The following SBNO1 variants were observed in gnomAD, a reference collection of about 807,000 sequenced individuals.
The protein encoded by SBNO1 is protein strawberry notch homolog 1.
A neutral mutation model predicts 173.6 loss-of-function variants in SBNO1; 23 were observed. The observed-to-expected ratio is 0.13, with a 90% CI of 0.10 to 0.19. The LOEUF is 0.19. SBNO1 is among the 10% of genes least tolerant of loss of function. The pLI is 1.00. For synonymous variants in SBNO1, 632 were observed against 571.5 expected (o/e 1.11, Z -1.51); for missense variants, 1,238 against 1,671.2 (o/e 0.74, Z 4.52).
chr12:123,297,912 G>A, intron 31 of SBNO1, 66 bp downstream of exon 31: 3 of 1,416,254 alleles, frequency 2.1e-6, no homozygotes, highest in African/African-American at 2.8e-5. Flanking sequence ...TAAGATATTA[G>A]CAATGAGAAA....
chr12:123,299,222 G>T (rs2048700404), intron 30 of SBNO1, among the ~76,000 whole-genome samples: 1 of 152,030 alleles, frequency 6.6e-6, no homozygotes, highest in South Asian at 2.1e-4. Flanking sequence ...CAAAAAATTA[G>T]CCAGGAGTGG....
intron 1 of SBNO1, among the ~76,000 whole-genome samples, chr12:123,352,467 T>C (rs1390114492): frequency 6.6e-6 from 1 of 151,956 alleles, no homozygotes; most frequent in Non-Finnish European, 1.5e-5. Flanking sequence ...TTAATTTTTG[T>C]ATTTAGTAGA....
intron 29 of SBNO1, among the ~76,000 whole-genome samples, chr12:123,303,548 C>G (rs2048844330): frequency 6.6e-6 from 1 of 152,164 alleles, no homozygotes; most frequent in Non-Finnish European, 1.5e-5. Flanking sequence ...ACTTGGGAAG[C>G]TGAGGCATGA....
rs1869777284 is a variant in SBNO1, at chr12:123,320,119, A to G, written c.2668-88T>C. On this transcript the variant is annotated intron_variant, in intron 19 of 31. Transcript: ENST00000602398. The stretch of plus-strand genomic sequence containing the variant: ...CTCTTTCCTTGAAGACACTTGGGAG[A>G]TAAGAGCACAGGCTGTGCTGCACCA... 4.9e-6 allele frequency: 7 copies of G among 1,429,186 alleles called. No homozygotes were observed. The South Asian group carries it at 6.1e-5, about 12-fold the overall frequency. 88.5% of individuals were successfully genotyped at this position (1,429,186 alleles called of 1,614,324 possible).
At chr12:123,321,790 T>A in intron 16 of SBNO1, 58 bp from the exon 17 acceptor site, 1 of 1,317,442 alleles carries the variant, frequency 7.6e-7, no homozygotes, top group Non-Finnish European at 1.1e-6. Context: ...TAAGATCCAG[T>A]ACATCACATT....
intron 1 of SBNO1, among the ~76,000 whole-genome samples, chr12:123,350,733 A>G (rs1211714570): frequency 6.6e-6 from 1 of 152,264 alleles, no homozygotes; most frequent in African/African-American, 2.4e-5. Flanking sequence ...GAGATGTTAT[A>G]AAGATGACAA....
chr12:123,299,693 A>AAAC (rs2048721682), intron 30 of SBNO1, among the ~76,000 whole-genome samples: 2 of 150,970 alleles, frequency 1.3e-5, no homozygotes, highest in South Asian at 2.1e-4. Context: ...AAAAAAAAAA[A>AAAC]AAAAAACAAA....
chr12:123,311,355 T>C (rs775631213), intron 24 of SBNO1, among the ~76,000 whole-genome samples: 1 of 152,166 alleles, frequency 6.6e-6, no homozygotes, highest in African/African-American at 2.4e-5. Flanking sequence ...GTATTAACTC[T>C]CTTCATTATA....
intron 30 of SBNO1, among the ~76,000 whole-genome samples, chr12:123,299,755 A>C (rs2048725900): frequency 6.6e-6 from 1 of 151,102 alleles, no homozygotes; most frequent in African/African-American, 2.4e-5. Flanking sequence ...CAGGTGGTTG[A>C]GGCACGAGAA....
At chr12:123,336,018 A>T (rs1871796859) in intron 6 of SBNO1, among the ~76,000 whole-genome samples, 1 of 152,200 alleles carries the variant, frequency 6.6e-6, no homozygotes, top group Admixed American at 6.5e-5. Context: ...TGAAAATTTT[A>T]TGCAAATATT....
At chr12:123,301,213 G>A (rs1003398941) in intron 30 of SBNO1, among the ~76,000 whole-genome samples, 1 of 151,974 alleles carries the variant, frequency 6.6e-6, no homozygotes, top group Non-Finnish European at 1.5e-5. Flanking sequence ...TCACCATGTT[G>A]GCCAGGCTGG....
Position 123,327,734 on chromosome 12 carries a change from C to A in SBNO1, c.1511G>T (p.Ser504Ile). The change falls in exon 12 of 32, where the codon AGT (serine) becomes ATT (isoleucine). Residue 504 changes from serine (S) to isoleucine (I), a missense_variant. By Grantham distance (142) the Ser-to-Ile change is moderately radical. Around this residue, in one of 14 missense-constraint regions of SBNO1, gnomAD observed 182 missense variants for 339.9 expected, o/e 0.54. Transcript: ENST00000602398. ...WGEGTPFREF[S>I]DFIQAVERRG... ...CCGTTCTACTGCTTGAATAAAATCA[C>A]TGAATTCTCTAAATGGAGTACCCTC... 1 of 1,613,730 alleles carries A rather than the reference C, an allele frequency of 6.2e-7. No individual in the cohort carries two copies. The highest frequency in any genetic ancestry group is 8.5e-7 in the Non-Finnish European group (1 of 1,179,768).
chr12:123,337,982 G>A (rs1010741232), intron 5 of SBNO1, among the ~76,000 whole-genome samples: 2 of 152,118 alleles, frequency 1.3e-5, no homozygotes, highest in African/African-American at 4.8e-5. Flanking sequence ...GAACAAACAA[G>A]TAATACCTTG....
At chr12:123,342,648 G>A (rs904579591) in intron 4 of SBNO1, among the ~76,000 whole-genome samples, 1 of 152,146 alleles carries the variant, frequency 6.6e-6, no homozygotes, top group Non-Finnish European at 1.5e-5. Context: ...TATACCACTG[G>A]TTTTCAAACT....
intron 16 of SBNO1, among the ~76,000 whole-genome samples, chr12:123,323,404 G>C (rs1870235976): frequency 6.6e-6 from 1 of 152,088 alleles, no homozygotes; most frequent in Non-Finnish European, 1.5e-5. Flanking sequence ...ATCCAGGCTG[G>C]AGTGCAGCAG....
intron 4 of SBNO1, among the ~76,000 whole-genome samples, chr12:123,342,057 A>C (rs1340356038): frequency 1.3e-5 from 2 of 151,844 alleles, no homozygotes; most frequent in East Asian, 3.9e-4. Flanking sequence ...TAATCCCAGC[A>C]CTTTGGGAGG....
chr12:123,364,243 C>CG, intron 1 of SBNO1: 1 of 985,514 alleles, frequency 1.0e-6, no homozygotes. Context: ...CGCCCAGAGC[C>CG]GGGAGCAATG....
At chr12:123,339,136 C>T (rs959417993) in intron 5 of SBNO1, among the ~76,000 whole-genome samples, 4 of 152,140 alleles carry the variant, frequency 2.6e-5, no homozygotes, top group Non-Finnish European at 5.9e-5. Context: ...AAACTGGGTA[C>T]CGCCAGTAGC....
intron 1 of SBNO1, among the ~76,000 whole-genome samples, chr12:123,360,583 T>G (rs1182210667): frequency 2.6e-5 from 4 of 151,784 alleles, no homozygotes; most frequent in African/African-American, 9.7e-5. Context: ...TAGCTGGGAT[T>G]ATAGGTGCGG....
Sources: gnomAD v4.1 joint callset for allele counts (sites outside exome capture counted in the v4.1 genomes callset) on GRCh38, gnomAD v4.1.1 for gene constraint, gnomAD v4.1.1 regional missense constraint, MANE v1.5 for transcripts, NCBI Gene and HGNC (gene_info 2026-07-23, HGNC 2026-07-21) for gene names.